The following HTR7 variants were observed in gnomAD, a reference collection of about 807,000 sequenced individuals.
The protein encoded by HTR7 is 5-HT-7.
A neutral mutation model predicts 34.0 loss-of-function variants in HTR7; 16 were observed. The observed-to-expected ratio is 0.47, with a 90% CI of 0.32 to 0.71. The LOEUF is 0.71. Among genes scored for constraint, HTR7 ranks in the 30% least tolerant of loss-of-function variants. The probability of loss-of-function intolerance (pLI) is 0.04; values close to 1 mark genes in which losing one functional copy is unlikely to be tolerated. For synonymous variants in HTR7, 265 were observed against 260.2 expected (o/e 1.02, Z -0.18); for missense variants, 504 against 625.5 (o/e 0.81, Z 2.07).
chr10:90,832,232 A>G (rs1044447991), intron 1 of HTR7, among the ~76,000 whole-genome samples: 13 of 152,214 alleles, frequency 8.5e-5, no homozygotes, highest in African/African-American at 2.9e-4. Context: ...AGGGGGTGGC[A>G]CTCGTCGGAG....
chr10:90,782,194 C>T (rs1033062928), intron 1 of HTR7, among the ~76,000 whole-genome samples: 11 of 152,146 alleles, frequency 7.2e-5, no homozygotes, highest in Admixed American at 1.3e-4. Flanking sequence ...CCTCAGGATA[C>T]GACACTGGCT....
At chr10:90,782,855 A>G (rs1845325226) in intron 1 of HTR7, among the ~76,000 whole-genome samples, 1 of 152,172 alleles carries the variant, frequency 6.6e-6, no homozygotes, top group Non-Finnish European at 1.5e-5. Context: ...TTTCTTGCTC[A>G]TACCATTGAT....
At chr10:90,815,498 G>A (rs1049737988) in intron 1 of HTR7, among the ~76,000 whole-genome samples, 2 of 152,224 alleles carry the variant, frequency 1.3e-5, no homozygotes, top group Non-Finnish European at 2.9e-5. Context: ...AAAACAGAAA[G>A]GATGTAAATG....
intron 1 of HTR7, among the ~76,000 whole-genome samples, chr10:90,847,578 A>G (rs1386927556): frequency 6.6e-6 from 1 of 152,218 alleles, no homozygotes; most frequent in South Asian, 2.1e-4. Context: ...TGATTGAAGC[A>G]GAATTAAAGC....
chr10:90,780,037 T>C lies in HTR7; in HGVS notation c.540-30443A>G, dbSNP rs149811227. Among the ~76,000 whole-genome samples, 179 of 152,244 alleles carry C rather than the reference T, an allele frequency of 1.2e-3. 2 individuals carry two copies. The highest frequency in any genetic ancestry group is 0.01 in the Middle Eastern group (3 of 294). ...ACTGGTCACATCATGTTATTGTCTA[T>C]CTTACTCAAAATTACAAGCTTCTAT... On this transcript the variant is annotated intron_variant, in intron 1 of 3. Transcript: ENST00000336152.
rs371561292 is a variant in HTR7, at chr10:90,764,186, G to C, written c.540-14592C>G. The stretch of plus-strand genomic sequence containing the variant: ...GGAGATGGTATCTCATTGTGGTTTT[G>C]ATTTGCATTTCTCTAATGATCAGTG... On this transcript the variant is annotated intron_variant, in intron 1 of 3. Transcript: ENST00000336152. Among the ~76,000 whole-genome samples, 16 of 152,234 alleles carry C rather than the reference G, an allele frequency of 1.1e-4. No individual in the cohort carries two copies. In the East Asian group the frequency reaches 3.1e-3, roughly 29 times the overall value.
intron 1 of HTR7, among the ~76,000 whole-genome samples, chr10:90,804,764 G>A (rs997770858): frequency 6.6e-6 from 1 of 152,054 alleles, no homozygotes; most frequent in Non-Finnish European, 1.5e-5. Context: ...TTTTAAAAGA[G>A]CTTTATGCTG....
intron 1 of HTR7, among the ~76,000 whole-genome samples, chr10:90,763,029 TC>T (rs1299003520): frequency 6.6e-6 from 1 of 152,234 alleles, no homozygotes; most frequent in African/African-American, 2.4e-5. Context: ...CATATTGTTT[TC>T]AGTACCATTT....
At chr10:90,772,524 C>T (rs903801297) in intron 1 of HTR7, among the ~76,000 whole-genome samples, 9 of 152,138 alleles carry the variant, frequency 5.9e-5, no homozygotes, top group African/African-American at 2.2e-4. Flanking sequence ...CTTGTAGTCC[C>T]TTTTCACATG....
At chr10:90,756,342 G>T (rs1305527970) in intron 1 of HTR7, among the ~76,000 whole-genome samples, 2 of 152,210 alleles carry the variant, frequency 1.3e-5, no homozygotes, top group African/African-American at 4.8e-5. Flanking sequence ...TGTTCCGGAT[G>T]TATGTAAATC....
rs543330922 is a variant in HTR7 at position 90,773,856 on chromosome 10, T to C, written c.540-24262A>G. Among the ~76,000 whole-genome samples, 26 of 152,294 alleles carry C rather than the reference T, an allele frequency of 1.7e-4. 1 individual carries two copies. In the South Asian group the frequency reaches 4.4e-3, roughly 25 times the overall value. On this transcript the variant is annotated intron_variant, in intron 1 of 3. Coordinates refer to ENST00000336152, the MANE Select transcript of HTR7 (RefSeq NM_019859.4). ...TTTCCTTTATCCATTTGTCAGGTGA[T>C]AGACCCTTAGGTTGCTTCCAAATCT...
chr10:90,763,195 T>C (rs952523697), intron 1 of HTR7, among the ~76,000 whole-genome samples: 1 of 152,192 alleles, frequency 6.6e-6, no homozygotes, highest in Non-Finnish European at 1.5e-5. Context: ...TTGATAGGAG[T>C]TGCATTGAAT....
intron 1 of HTR7, among the ~76,000 whole-genome samples, chr10:90,815,013 A>G (rs1845876028): frequency 6.6e-6 from 1 of 152,222 alleles, no homozygotes; most frequent in Non-Finnish European, 1.5e-5. Flanking sequence ...GAAAGGGTAA[A>G]ACGGTCATAA....
At chr10:90,766,448 C>T (rs1003131251) in intron 1 of HTR7, among the ~76,000 whole-genome samples, 6 of 152,146 alleles carry the variant, frequency 3.9e-5, no homozygotes, top group Non-Finnish European at 8.8e-5. Flanking sequence ...TTGTAGGCAG[C>T]ATGTTATTGG....
At chr10:90,770,967 C>A (rs1845100234) in intron 1 of HTR7, among the ~76,000 whole-genome samples, 1 of 152,220 alleles carries the variant, frequency 6.6e-6, no homozygotes, top group African/African-American at 2.4e-5. Context: ...AATGGGCACA[C>A]ACTTCCTCCC....
rs775916918 is a variant in HTR7, at chr10:90,857,463, C to T, written c.209G>A (p.Cys70Tyr). ...WDAPPDNASG[C>Y]GEQINYGRVE... ...TCTGCCGTAGTTGATCTGTTCCCCA[C>T]AGCCGGAGGCATTGTCCGGGGGCGC... The change falls in exon 1 of 4, where the codon TGT (cysteine) becomes TAT (tyrosine). Residue 70 changes from cysteine (C) to tyrosine (Y), a missense_variant. Physicochemically the swap from Cys to Tyr is radical, Grantham distance 194. Transcript: ENST00000336152. This position sits in a 1 kb window ranked among gnomAD's most constrained non-coding sequence, Gnocchi z 6.5. 1.2e-6 allele frequency: 2 copies of T among 1,613,902 alleles called. No individual in the cohort carries two copies. Among genetic ancestry groups the T allele is most frequent in the South Asian group, 2.2e-5 (2 of 91,088 alleles).
chr10:90,803,963 C>T (rs1589457036), intron 1 of HTR7, among the ~76,000 whole-genome samples: 1 of 152,116 alleles, frequency 6.6e-6, no homozygotes, highest in Non-Finnish European at 1.5e-5. Context: ...CCACCTGGGC[C>T]TGCTATGCCC....
chr10:90,773,447 T>C (rs1172756214), intron 1 of HTR7, among the ~76,000 whole-genome samples: 4 of 144,718 alleles, frequency 2.8e-5, no homozygotes, highest in African/African-American at 1.1e-4. Context: ...CTCAAGCATT[T>C]ATCTTTTGTG....
At chr10:90,854,508 T>C (rs1846549992) in intron 1 of HTR7, among the ~76,000 whole-genome samples, 2 of 152,204 alleles carry the variant, frequency 1.3e-5, no homozygotes, top group Admixed American at 1.3e-4. Context: ...AATGTCTTTT[T>C]GCTTTTTAAC....
Sources: allele counts gnomAD v4.1 joint callset (sites outside exome capture counted in the v4.1 genomes callset), GRCh38; gene constraint gnomAD v4.1.1; non-coding constraint Gnocchi (gnomAD v3.1); transcripts MANE v1.5; gene names NCBI Gene and HGNC (gene_info 2026-07-23, HGNC 2026-07-21).